PLA2G4E: variants seen among roughly 807,000 people sequenced by gnomAD.
The protein encoded by PLA2G4E is phospholipase A2 group IVE.
PLA2G4E carries 84 observed loss-of-function variants against 109.1 expected under a neutral mutation model. The ratio of observed to expected loss-of-function variants is 0.77; its 90% confidence interval spans 0.65 to 0.92. The LOEUF (loss-of-function observed/expected upper bound fraction) is 0.92, where lower values mean the gene tolerates loss of function less well. Among genes scored for constraint, PLA2G4E ranks in the 40% least tolerant of loss-of-function variants. The pLI is 0.00. For missense variants in PLA2G4E, 1,057 were observed against 1,076.6 expected (o/e 0.98, Z 0.25); for synonymous variants, 469 against 436.1 (o/e 1.08, Z -0.94).
intron 5 of PLA2G4E, among the ~76,000 whole-genome samples, chr15:42,003,201 G>A (rs2068439097): frequency 6.6e-6 from 1 of 152,200 alleles, no homozygotes; most frequent in South Asian, 2.1e-4. Context: ...AATTAGCCTG[G>A]CAGAGTCCAC....
intron 1 of PLA2G4E, among the ~76,000 whole-genome samples, chr15:42,037,225 C>T (rs113326296): frequency 0.013 from 1,927 of 152,326 alleles, 45 homozygotes; most frequent in African/African-American, 0.045. Context: ...GGTGAGGCCC[C>T]ACCTTCAGGC....
At chr15:42,016,488 G>T (rs919555952) in intron 1 of PLA2G4E, among the ~76,000 whole-genome samples, 1 of 151,800 alleles carries the variant, frequency 6.6e-6, no homozygotes, top group Non-Finnish European at 1.5e-5. Context: ...AGGTGCTCAC[G>T]ACCACGCCCG....
At chr15:41,995,237 A>G in intron 12 of PLA2G4E, 123 bp downstream of exon 12, 1 of 1,307,730 alleles carries the variant, frequency 7.6e-7, no homozygotes, top group South Asian at 1.4e-5. Context: ...CATGTGGGGC[A>G]CTTCCCAGGC....
At chr15:41,999,688 C>G (rs1566839823) in intron 9 of PLA2G4E, 127 bp from the exon 10 acceptor site, 3 of 1,248,776 alleles carry the variant, frequency 2.4e-6, no homozygotes, top group South Asian at 1.4e-5. Flanking sequence ...ATCCCTGCCT[C>G]TCTCTTCTGG....
chr15:42,006,322 C>T, intron 3 of PLA2G4E: 1 of 527,072 alleles, frequency 1.9e-6, no homozygotes, highest in Non-Finnish European at 3.1e-6. Flanking sequence ...TTTCCAACTC[C>T]CTGAAGCCTT....
chr15:41,992,793 T>G, exon 13 of PLA2G4E: 1 of 1,613,608 alleles, frequency 6.2e-7, no homozygotes, highest in Non-Finnish European at 8.5e-7. Context: ...AAGGTGACCC[T>G]GTAGCCTTCC....
At chr15:42,024,866 T>C (rs1358187095) in intron 1 of PLA2G4E, among the ~76,000 whole-genome samples, 3 of 152,146 alleles carry the variant, frequency 2.0e-5, no homozygotes, top group Non-Finnish European at 4.4e-5. Context: ...AATTTTAGCA[T>C]ACAATAAAGG....
chr15:42,002,816 A>G, intron 5 of PLA2G4E, 120 bp from the exon 6 acceptor site: 1 of 974,638 alleles, frequency 1.0e-6, no homozygotes, highest in Non-Finnish European at 1.6e-6. Context: ...TTGTTCTCAT[A>G]AAAAATACTA....
At chr15:42,026,982 A>AAAAG (rs971133782) in intron 1 of PLA2G4E, among the ~76,000 whole-genome samples, 65 of 151,308 alleles carry the variant, frequency 4.3e-4, no homozygotes, top group African/African-American at 1.5e-3. Flanking sequence ...CAAAAAAAAA[A>AAAAG]AAAGAAAGAA....
At chr15:42,029,199 T>G (rs1889073465) in intron 1 of PLA2G4E, among the ~76,000 whole-genome samples, 1 of 152,220 alleles carries the variant, frequency 6.6e-6, no homozygotes, top group Non-Finnish European at 1.5e-5. Context: ...TCAAGCGTGA[T>G]TCTCCCATGT....
At chr15:41,991,999 G>C (rs1385256922) in intron 13 of PLA2G4E, among the ~76,000 whole-genome samples, 1 of 152,202 alleles carries the variant, frequency 6.6e-6, no homozygotes, top group Non-Finnish European at 1.5e-5. Context: ...GGACCACCCT[G>C]TGCTGGGTAG....
exon 1 of PLA2G4E, chr15:42,050,565 G>C (rs988434056): frequency 6.4e-7 from 1 of 1,550,610 alleles, no homozygotes; most frequent in Admixed American, 2.0e-5. Context: ...GGGAGACCAG[G>C]AGTGTCCAGG....
chr15:41,981,861 C>T (rs2068072188), exon 20 of PLA2G4E: 1 of 152,186 alleles, frequency 6.6e-6, no homozygotes, highest in Non-Finnish European at 1.5e-5. Flanking sequence ...AGGTCCAGAG[C>T]TCAGTTTATC....
intron 2 of PLA2G4E, among the ~76,000 whole-genome samples, chr15:42,013,451 C>G (rs1165586232): frequency 1.3e-5 from 2 of 152,212 alleles, no homozygotes; most frequent in African/African-American, 4.8e-5. Context: ...GCCGAGGGAA[C>G]AGCATGAACA....
At chr15:41,996,564 C>T (rs951857644) in intron 11 of PLA2G4E, among the ~76,000 whole-genome samples, 9 of 152,118 alleles carry the variant, frequency 5.9e-5, no homozygotes, top group African/African-American at 1.9e-4. Context: ...GCTGCCCAGG[C>T]GAGTGTGGGC....
chr15:41,981,915 G>A lies in PLA2G4E; in HGVS notation c.*1839C>T, dbSNP rs143599828. 6.6e-5 allele frequency: 10 copies of A among 152,316 alleles called. No individual in the cohort carries two copies. The East Asian group carries it at 1.9e-3, about 29-fold the overall frequency. The allele number at this position is 152,316 out of a possible 1,614,324, so 9.4% of individuals were successfully genotyped here. On this transcript the variant is annotated 3_prime_UTR_variant, in exon 20 of 20. Coordinates refer to ENST00000399518, the Ensembl canonical transcript of PLA2G4E. ...TGATTCATACGTTCCAAGCTCATGG[G>A]AGGGAGTGGCGTAAATCCAGGCCTC... is the stretch of plus-strand genomic sequence containing the variant.
At chr15:42,015,617 G>A (rs564328074) in intron 1 of PLA2G4E, among the ~76,000 whole-genome samples, 1 of 152,346 alleles carries the variant, frequency 6.6e-6, no homozygotes, top group South Asian at 2.1e-4. Context: ...GGGGGGCCAG[G>A]GGTGAATACT....
At chr15:42,043,709 G>A (rs548841655) in intron 1 of PLA2G4E, among the ~76,000 whole-genome samples, 33 of 152,120 alleles carry the variant, frequency 2.2e-4, no homozygotes, top group Non-Finnish European at 4.1e-4. Flanking sequence ...ACCCGAGTGC[G>A]TATCTTGGCT....
exon 3 of PLA2G4E, chr15:42,007,771 C>T: frequency 1.9e-6 from 3 of 1,612,822 alleles, no homozygotes; most frequent in Non-Finnish European, 2.5e-6. Flanking sequence ...TTTCATTCCA[C>T]TCTGGATTTG....
Sources: allele counts gnomAD v4.1 joint callset (sites outside exome capture counted in the v4.1 genomes callset), GRCh38; gene constraint gnomAD v4.1.1; transcripts MANE v1.5; gene names NCBI Gene and HGNC (gene_info 2026-07-23, HGNC 2026-07-21).